The following CFAP70 variants were observed in gnomAD, a reference collection of about 807,000 sequenced individuals.
CFAP70 encodes cilia- and flagella-associated protein 70.
In CFAP70, 81 loss-of-function variants were observed where a neutral mutation model predicts 137.6. That is an observed-to-expected ratio of 0.59 (90% CI 0.49 to 0.71). The LOEUF is 0.71. Ranked by LOEUF, CFAP70 falls within the 30% of genes least tolerant of loss-of-function variation. The pLI is 0.00. For synonymous variants in CFAP70, 382 were observed against 423.6 expected (o/e 0.90, Z 1.20); for missense variants, 976 against 1,226.7 (o/e 0.80, Z 3.05).
In CFAP70 at chr10:73,275,845, G is replaced by T; in HGVS notation, c.2521-247C>A. ...ATAACTTGCAATATTGTACAATTCT[G>T]GTCTTGCTGGTCATCATACTAGGTG... On this transcript the variant is annotated intron_variant, in intron 21 of 26. Coordinates refer to ENST00000310715, the Ensembl canonical transcript of CFAP70. The surrounding 1 kb of genome is among the most constrained non-coding windows in gnomAD (Gnocchi z 4.0). 1 of 311,976 alleles carries T rather than the reference G, an allele frequency of 3.2e-6. No individual in the cohort carries two copies. The highest frequency in any genetic ancestry group is 5.8e-6 in the Non-Finnish European group (1 of 171,892). The allele number at this position is 311,976 out of a possible 1,614,324, so 19.3% of individuals were successfully genotyped here.
exon 4 of CFAP70, chr10:73,348,466 T>G (rs2053913859): frequency 6.5e-7 from 1 of 1,543,906 alleles, no homozygotes; most frequent in Non-Finnish European, 8.7e-7. Flanking sequence ...GACCAAGAAT[T>G]AAGGTCTTCT....
At chr10:73,274,267 G>T (rs2046530599) in intron 23 of CFAP70, among the ~76,000 whole-genome samples, 166 bp downstream of exon 24, 2 of 152,176 alleles carry the variant, frequency 1.3e-5, no homozygotes, top group Admixed American at 1.3e-4. Flanking sequence ...TTTGAATGCT[G>T]CTTCCACTAA....
chr10:73,356,418 C>T (rs181307127), intron 1 of CFAP70, among the ~76,000 whole-genome samples: 398 of 152,168 alleles, frequency 2.6e-3, no homozygotes, highest in African/African-American at 8.6e-3. Context: ...AGGCTGGTCT[C>T]GACGGCTAGG....
At chr10:73,361,293 CTT>C (rs577780984), upstream of CFAP70, among the ~76,000 whole-genome samples, 5,001 of 128,232 alleles carry the variant, frequency 0.039, 239 homozygotes, top group African/African-American at 0.13. Flanking sequence ...CATGCCCGGC[CTT>C]TTTTTTTTTT....
intron 9 of CFAP70, among the ~76,000 whole-genome samples, chr10:73,317,425 C>T (rs907569297): frequency 6.6e-6 from 1 of 152,140 alleles, no homozygotes; most frequent in Admixed American, 6.5e-5. Context: ...GATGAAAAAT[C>T]AGTGGTTAAC....
chr10:73,270,332 T>G (rs1280611970), intron 24 of CFAP70, among the ~76,000 whole-genome samples: 1 of 152,124 alleles, frequency 6.6e-6, no homozygotes. Flanking sequence ...CTTTGTTGCT[T>G]TGTAAAACAT....
chr10:73,338,448 T>C (rs549045729), intron 6 of CFAP70, among the ~76,000 whole-genome samples: 342 of 148,402 alleles, frequency 2.3e-3, no homozygotes, highest in African/African-American at 8.3e-3. Flanking sequence ...TTTTTTTTTT[T>C]TTTAGACAGT....
At chr10:73,299,502 T>C in intron 13 of CFAP70, 103 bp downstream of exon 14, 4 of 947,086 alleles carry the variant, frequency 4.2e-6, no homozygotes, top group Non-Finnish European at 6.6e-6. Context: ...TTCAAACAAG[T>C]TTTCACCCCT....
At position 73,341,311 on chromosome 10, in the gene CFAP70, T is replaced by A. The variant is rs559931039; in HGVS notation, c.582+88A>T. ...TGTAAGTATTTCGACAGGTGACAAA[T>A]GTATATAAATTACAGTAATTCACAA... On this transcript the variant is annotated intron_variant, in intron 6 of 26. Coordinates refer to ENST00000310715, the Ensembl canonical transcript of CFAP70. 3 of 1,166,376 alleles carry A rather than the reference T, an allele frequency of 2.6e-6. No individual in the cohort carries two copies. In the Admixed American group the frequency reaches 7.2e-5, roughly 28 times the overall value. 72.3% of individuals were successfully genotyped at this position (1,166,376 alleles called of 1,614,324 possible).
At chr10:73,354,615 G>A (rs774025986) in intron 2 of CFAP70, 119 bp downstream of exon 2, 55 of 757,816 alleles carry the variant, frequency 7.3e-5, no homozygotes, top group Non-Finnish European at 9.8e-5. Context: ...ACACTGAGGC[G>A]GAATGCCACT....
At chr10:73,329,507 TAAACAAAC>T (rs373017572) in intron 8 of CFAP70, among the ~76,000 whole-genome samples, 2 of 151,584 alleles carry the variant, frequency 1.3e-5, no homozygotes, top group African/African-American at 4.8e-5. Context: ...AAAATAAACA[TAAACAAAC>T]AAACAAACAA....
At chr10:73,260,688 T>C (rs2133573203) in intron 25 of CFAP70, among the ~76,000 whole-genome samples, 1 of 152,354 alleles carries the variant, frequency 6.6e-6, no homozygotes, top group Non-Finnish European at 1.5e-5. Flanking sequence ...ATTTTCCTTA[T>C]TTCAAATAAA....
At chr10:73,360,673 G>T (rs1399482478), upstream of CFAP70, among the ~76,000 whole-genome samples, 1 of 152,102 alleles carries the variant, frequency 6.6e-6, no homozygotes, top group Non-Finnish European at 1.5e-5. Context: ...AGGTAATAAA[G>T]GTTCTCAAAA....
At chr10:73,312,511 C>G in exon 10 of CFAP70, 2 of 1,612,078 alleles carry the variant, frequency 1.2e-6, no homozygotes, top group South Asian at 1.1e-5. Flanking sequence ...ATATCCTTTT[C>G]TTTCACTGGT....
chr10:73,256,607 T>C (rs12240572), intron 25 of CFAP70, among the ~76,000 whole-genome samples, 191 bp from the exon 27 acceptor site: 1 of 151,424 alleles, frequency 6.6e-6, no homozygotes, highest in Non-Finnish European at 1.5e-5. Flanking sequence ...GTTTTTTTTT[T>C]AAAAAATTCC....
At chr10:73,331,399 G>A (rs777435583) in intron 7 of CFAP70, 123 bp from the exon 9 acceptor site, 94 of 799,028 alleles carry the variant, frequency 1.2e-4, no homozygotes, top group Non-Finnish European at 1.6e-4. Flanking sequence ...AAATTGGGGG[G>A]CTCGGCTCAG....
intron 20 of CFAP70, among the ~76,000 whole-genome samples, chr10:73,277,639 G>C (rs2046876251): frequency 6.6e-6 from 1 of 152,014 alleles, no homozygotes; most frequent in Non-Finnish European, 1.5e-5. Flanking sequence ...CTTGAACCAA[G>C]GAGTCAGAGG....
rs1381743538 is a variant in CFAP70, at chr10:73,310,143, A to G, written c.1256+15T>C. On this transcript the variant is annotated intron_variant, in intron 12 of 26. Transcript: ENST00000310715. ...CAAATTGTACAAAACTAGTATAAGC[A>G]CCATAGCTACAAACCTTCTGGCTAG... The G allele has an allele frequency of 1.7e-5, 27 of 1,574,102 alleles. No homozygotes were observed. In the Admixed American group the frequency reaches 4.5e-4, roughly 26 times the overall value.
chr10:73,289,045 T>G (rs2047957821), intron 19 of CFAP70, among the ~76,000 whole-genome samples: 1 of 152,156 alleles, frequency 6.6e-6, no homozygotes, highest in Non-Finnish European at 1.5e-5. Flanking sequence ...CTCTTACTGT[T>G]TTTTCCTCAC....
Sources: allele counts gnomAD v4.1 joint callset (sites outside exome capture counted in the v4.1 genomes callset), GRCh38; gene constraint gnomAD v4.1.1; non-coding constraint Gnocchi (gnomAD v3.1); transcripts MANE v1.5; gene names NCBI Gene and HGNC (gene_info 2026-07-23, HGNC 2026-07-21).